The following RBM33 variants were observed in gnomAD, a reference collection of about 807,000 sequenced individuals.
RBM33 encodes RNA-binding protein 33.
RBM33 carries 28 observed loss-of-function variants against 132.6 expected under a neutral mutation model. The ratio of observed to expected loss-of-function variants is 0.21; its 90% CI spans 0.16 to 0.29. The LOEUF is 0.29. Ranked by LOEUF, RBM33 falls within the 10% of genes least tolerant of loss-of-function variation. The pLI is 1.00. For synonymous variants in RBM33, 634 were observed against 593.0 expected (o/e 1.07, Z -1.01); for missense variants, 1,291 against 1,518.5 (o/e 0.85, Z 2.49).
At chr7:155,764,745 G>A (rs1230148573) in intron 15 of RBM33, among the ~76,000 whole-genome samples, 1 of 152,242 alleles carries the variant, frequency 6.6e-6, no homozygotes, top group East Asian at 1.9e-4. Flanking sequence ...TATGCAGAGG[G>A]AGACCTGGGC....
At chr7:155,737,194 A>G (rs1479782255) in intron 9 of RBM33, among the ~76,000 whole-genome samples, 2 of 152,106 alleles carry the variant, frequency 1.3e-5, no homozygotes, top group Non-Finnish European at 2.9e-5. Context: ...TGGAGCTACT[A>G]GTGTGTACTA....
At chr7:155,691,030 G>C (rs1799624049) in intron 5 of RBM33, among the ~76,000 whole-genome samples, 1 of 152,098 alleles carries the variant, frequency 6.6e-6, no homozygotes, top group African/African-American at 2.4e-5. Flanking sequence ...GCTAGATTGG[G>C]GAAGCTCTCC....
In RBM33 at chr7:155,645,097, C is replaced by G. The variant is rs1798142959; in HGVS notation, c.43+178C>G. 9.7e-6 allele frequency: 5 copies of G among 516,342 alleles called. No individual in the cohort carries two copies. In the Admixed American group the frequency reaches 1.3e-4, roughly 13 times the overall value. The allele number at this position is 516,342 out of a possible 1,614,324, so 32.0% of individuals were successfully genotyped here. ...CTCGCTATTGTCATTCTCCCTTTCT[C>G]GCTCCTCCTCTCCGCTGTGCAGATC... On this transcript the variant is annotated intron_variant, in intron 1 of 17. Coordinates refer to ENST00000401878, the MANE Select transcript of RBM33 (RefSeq NM_053043.3).
chr7:155,762,735 G>A (rs781547546), intron 14 of RBM33, among the ~76,000 whole-genome samples: 6 of 152,088 alleles, frequency 3.9e-5, no homozygotes, highest in Non-Finnish European at 8.8e-5. Flanking sequence ...TTCTGAGCTG[G>A]TTGACCAGGT....
Position 155,724,131 on chromosome 7 carries a change from CA to C in RBM33, c.1260+5689del, listed in dbSNP as rs764288157. On this transcript the variant is annotated intron_variant, in intron 9 of 17. Transcript: ENST00000401878. The stretch of plus-strand genomic sequence containing the variant: ...TTTTAGTGATGTGTCCTACAAAACA[CA>C]CTGCTTTTTTTTTTCTTTTAATATT... Among the ~76,000 whole-genome samples the C allele has an allele frequency of 4.6e-5, 7 of 152,132 alleles. 1 individual carries two copies. Among genetic ancestry groups the C allele is most frequent in the Middle Eastern group, 6.3e-3 (2 of 316 alleles).
At chr7:155,748,766 G>C (rs1801599819) in intron 14 of RBM33, among the ~76,000 whole-genome samples, 1 of 151,846 alleles carries the variant, frequency 6.6e-6, no homozygotes, top group South Asian at 2.1e-4. Context: ...CTTTCTTGGT[G>C]GTCCCCTTTG....
chr7:155,673,172 G>T (rs1182366141), intron 3 of RBM33, among the ~76,000 whole-genome samples: 1 of 151,334 alleles, frequency 6.6e-6, no homozygotes, highest in Non-Finnish European at 1.5e-5. Context: ...ACTGGATTGT[G>T]ACAGCGTTAA....
At chr7:155,669,288 A>G (rs189527639) in intron 2 of RBM33, among the ~76,000 whole-genome samples, 1 of 152,096 alleles carries the variant, frequency 6.6e-6, no homozygotes. Context: ...ATTGTGTTTT[A>G]TTTATTTTTT....
Position 155,697,490 on chromosome 7 carries a change from A to C in RBM33, c.568-3283A>C, listed in dbSNP as rs369130607. Among the ~76,000 whole-genome samples, 51 of 152,334 alleles carry C rather than the reference A, an allele frequency of 3.3e-4. No individual in the cohort carries two copies. In the South Asian group the frequency reaches 0.011, roughly 32 times the overall value. ...TTTCATTTTTATTTGATGATGTATC[A>C]ATAATTCTATCAATAAGCATTAAAA... On this transcript the variant is annotated intron_variant, in intron 5 of 17. Transcript: ENST00000401878.
chr7:155,748,176 A>T (rs1331039939), intron 14 of RBM33, among the ~76,000 whole-genome samples: 1 of 152,242 alleles, frequency 6.6e-6, no homozygotes, highest in Admixed American at 6.5e-5. Context: ...TAGTTTTACG[A>T]TTACTTACTT....
chr7:155,706,970 A>G lies in RBM33; in HGVS notation c.850A>G (p.Met284Val). ...RRGGRRGGPL[M>V]CRGVGDQRRE... ...GGGAGGACGGCGAGGAGGTCCGCTG[A>G]TGTGTCGTGGTGTGGGGGACCAGAG... Residue 284 changes from methionine (M) to valine (V), a missense_variant, in exon 7 of 18, where the codon ATG becomes GTG. Transcript: ENST00000401878. 1.3e-6 allele frequency: 2 copies of G among 1,598,944 alleles called. No individual in the cohort carries two copies. Among genetic ancestry groups the G allele is most frequent in the South Asian group, 1.1e-5 (1 of 87,890 alleles).
intron 8 of RBM33, among the ~76,000 whole-genome samples, chr7:155,715,394 C>T (rs944119767): frequency 6.6e-6 from 1 of 152,134 alleles, no homozygotes; most frequent in Admixed American, 6.5e-5. Context: ...TTTAGCTTCA[C>T]TAAAATAGTC....
chr7:155,690,963 G>A (rs1013465154), intron 5 of RBM33, among the ~76,000 whole-genome samples: 3 of 151,930 alleles, frequency 2.0e-5, no homozygotes, highest in Non-Finnish European at 2.9e-5. Context: ...GGCTCTTCTC[G>A]AGGTGTATCT....
intron 9 of RBM33, among the ~76,000 whole-genome samples, chr7:155,728,790 G>A (rs1413658961): frequency 6.6e-6 from 1 of 152,168 alleles, no homozygotes; most frequent in Non-Finnish European, 1.5e-5. Flanking sequence ...CCCATTTGCT[G>A]TTCATACCAA....
chr7:155,683,749 G>C (rs1264377134), intron 5 of RBM33, among the ~76,000 whole-genome samples: 2 of 152,166 alleles, frequency 1.3e-5, no homozygotes, highest in African/African-American at 4.8e-5. Context: ...CAAAATATTA[G>C]AAAATGGTTG....
intron 14 of RBM33, among the ~76,000 whole-genome samples, chr7:155,759,287 T>C (rs1371507058): frequency 2.0e-5 from 3 of 152,196 alleles, no homozygotes; most frequent in African/African-American, 7.2e-5. Flanking sequence ...AGTTTAGAAA[T>C]TTATTTTTCA....
Position 155,741,971 on chromosome 7 carries a change from G to T in RBM33, c.2202G>T (p.Val734=), listed in dbSNP as rs369367118. 6.0e-5 allele frequency: 97 copies of T among 1,613,872 alleles called. No individual in the cohort carries two copies. The highest frequency in any genetic ancestry group is 3.1e-5 in the Non-Finnish European group (36 of 1,179,906). The change falls in exon 13 of 18, where the codon GTG becomes GTT. Residue 734 remains valine, a synonymous_variant. Coordinates refer to ENST00000401878, the MANE Select transcript of RBM33 (RefSeq NM_053043.3). ...SRCSATPSAQ[V]KPIVSASPPS... ...GCTCTGCCACGCCCTCAGCACAAGT[G>T]AAACCTATCGTCAGCGCGTCACCAC... is the stretch of plus-strand genomic sequence containing the variant.
intron 14 of RBM33, among the ~76,000 whole-genome samples, chr7:155,751,296 T>C (rs530407628): frequency 3.9e-5 from 6 of 152,330 alleles, no homozygotes; most frequent in South Asian, 2.1e-4. Flanking sequence ...TCCCAAACCT[T>C]TGAGAGTAGG....
intron 14 of RBM33, among the ~76,000 whole-genome samples, chr7:155,752,663 C>T (rs56124237): frequency 0.065 from 9,816 of 152,170 alleles, 478 homozygotes; most frequent in African/African-American, 0.14. Context: ...CCGCCCATCG[C>T]CCTGTGAGAA....
Sources: gnomAD v4.1 joint callset for allele counts (sites outside exome capture counted in the v4.1 genomes callset) on GRCh38, gnomAD v4.1.1 for gene constraint, MANE v1.5 for transcripts, NCBI Gene and HGNC (gene_info 2026-07-23, HGNC 2026-07-21) for gene names.